The following SNX6 variants were observed in gnomAD, a reference collection of about 807,000 sequenced individuals.
SNX6 encodes the protein sorting nexin-6.
In SNX6, 34 loss-of-function variants were observed where a neutral mutation model predicts 63.0. The ratio of observed to expected loss-of-function variants is 0.54; its 90% CI spans 0.41 to 0.72. The LOEUF (loss-of-function observed/expected upper bound fraction) is 0.72, where lower values mean the gene tolerates loss of function less well. SNX6 is among the 30% of genes least tolerant of loss of function. SNX6 has a pLI of 0.00. For missense variants in SNX6, 398 were observed against 471.4 expected, an observed-to-expected ratio of 0.84 and a Z score of 1.44; for synonymous variants, 170 against 164.2, an observed-to-expected ratio of 1.04 and a Z score of -0.27.
At chr14:34,584,588 A>G (rs1040787479) in intron 9 of SNX6, among the ~76,000 whole-genome samples, 2 of 152,010 alleles carry the variant, frequency 1.3e-5, no homozygotes, top group Non-Finnish European at 2.9e-5. Flanking sequence ...ACACATATAC[A>G]TACATACATA....
At chr14:34,612,057 G>T (rs998659856) in intron 2 of SNX6, among the ~76,000 whole-genome samples, 1 of 151,928 alleles carries the variant, frequency 6.6e-6, no homozygotes. Context: ...GGGATTACAG[G>T]CGTGAGCCAC....
chr14:34,575,857 A>C lies in SNX6; in HGVS notation c.835-15T>G, dbSNP rs780057965. 12 of 1,466,930 alleles carry C rather than the reference A, an allele frequency of 8.2e-6. No individual in the cohort carries two copies. Among genetic ancestry groups the C allele is most frequent in the Non-Finnish European group, 1.1e-5 (12 of 1,066,664 alleles). The allele number at this position is 1,466,930 out of a possible 1,614,324, so 90.9% of individuals were successfully genotyped here. A position where few individuals can be genotyped will look rare whatever the true frequency, so the allele number is the denominator to read the frequency against. On this transcript the variant is annotated splice_polypyrimidine_tract_variant and intron_variant, in intron 10 of 13. Coordinates refer to ENST00000362031, the MANE Select transcript of SNX6 (RefSeq NM_152233.4). ...GCTTCTATTTTCTGAAAAGAAGGAA[A>C]AAATTGAATATTTAATCAACAACTA...
rs573023103 is a variant in SNX6, at chr14:34,575,984, C to T, written c.835-142G>A. ...TGTCACCCAGGCTGGAGTGCAGTGGCGCTATCTTGGCTCACTGCAAGCTCC... is the reference window on the plus strand; with the variant it reads ...TGTCACCCAGGCTGGAGTGCAGTGGTGCTATCTTGGCTCACTGCAAGCTCC... On this transcript the variant is annotated intron_variant, in intron 10 of 13. Coordinates refer to ENST00000362031, the MANE Select transcript of SNX6 (RefSeq NM_152233.4). The T allele has an allele frequency of 4.2e-4, 150 of 353,566 alleles. 1 individual carries two copies. The highest frequency in any genetic ancestry group is 1.1e-3 in the Middle Eastern group (1 of 944). 21.9% of individuals were successfully genotyped at this position (353,566 alleles called of 1,614,324 possible). A position where few individuals can be genotyped will look rare whatever the true frequency, so the allele number is the denominator to read the frequency against.
At chr14:34,563,782 A>C (rs1455392370) in intron 13 of SNX6, among the ~76,000 whole-genome samples, 1 of 151,336 alleles carries the variant, frequency 6.6e-6, no homozygotes, top group Non-Finnish European at 1.5e-5. Context: ...TCTGTTGCCC[A>C]GACTGGAGTG....
chr14:34,628,526 G>A (rs1190307637), intron 2 of SNX6, among the ~76,000 whole-genome samples: 1 of 152,060 alleles, frequency 6.6e-6, no homozygotes, highest in Non-Finnish European at 1.5e-5. Context: ...CTACTTGGGA[G>A]GCTGAGGTGG....
At chr14:34,613,292 G>A (rs1271393913) in intron 2 of SNX6, among the ~76,000 whole-genome samples, 3 of 152,180 alleles carry the variant, frequency 2.0e-5, no homozygotes, top group Admixed American at 6.6e-5. Flanking sequence ...TCTGACTTCT[G>A]GCCTTCAGAA....
intron 10 of SNX6, among the ~76,000 whole-genome samples, chr14:34,577,951 C>T (rs1482572063): frequency 1.3e-5 from 2 of 152,180 alleles, no homozygotes; most frequent in African/African-American, 4.8e-5. Flanking sequence ...CATCTGTAAT[C>T]CCAGCACTAC....
At chr14:34,587,598 T>A (rs1594715830) in intron 8 of SNX6, among the ~76,000 whole-genome samples, 1 of 140,884 alleles carries the variant, frequency 7.1e-6, no homozygotes, top group South Asian at 2.2e-4. Context: ...TCCTGGGCGA[T>A]AGAGCTAGAC....
intron 2 of SNX6, among the ~76,000 whole-genome samples, chr14:34,614,399 T>A (rs865989125): frequency 1.3e-5 from 2 of 151,102 alleles, no homozygotes; most frequent in South Asian, 2.1e-4. Context: ...AAACTGCCAA[T>A]GCACTCCAGC....
intron 13 of SNX6, among the ~76,000 whole-genome samples, chr14:34,563,738 T>C (rs8013214): frequency 9.9e-6 from 1 of 101,022 alleles, no homozygotes; most frequent in Non-Finnish European, 2.2e-5. Context: ...CAGTAAATTT[T>C]TTTTCTTTTT....
intron 8 of SNX6, among the ~76,000 whole-genome samples, chr14:34,590,787 C>A (rs891144879): frequency 6.6e-6 from 1 of 152,082 alleles, no homozygotes; most frequent in Non-Finnish European, 1.5e-5. Context: ...CATGTCCGTA[C>A]AAAAAGTTAT....
intron 10 of SNX6, among the ~76,000 whole-genome samples, chr14:34,579,893 A>G (rs1254459365): frequency 6.6e-6 from 1 of 152,070 alleles, no homozygotes; most frequent in Non-Finnish European, 1.5e-5. Context: ...TAAAAATAAA[A>G]AAGGGGCTGG....
chr14:34,597,169 C>T (rs547958739), intron 7 of SNX6, among the ~76,000 whole-genome samples: 30 of 152,194 alleles, frequency 2.0e-4, no homozygotes, highest in Non-Finnish European at 3.5e-4. Context: ...CACCCACCTG[C>T]CCCATGGTAA....
At chr14:34,601,873 G>A (rs758274158) in intron 6 of SNX6, among the ~76,000 whole-genome samples, 2 of 151,698 alleles carry the variant, frequency 1.3e-5, no homozygotes, top group Non-Finnish European at 2.9e-5. Flanking sequence ...GGGATTACAG[G>A]TTACAGGCAT....
intron 11 of SNX6, among the ~76,000 whole-genome samples, chr14:34,570,293 C>T (rs1329036267): frequency 2.0e-5 from 3 of 151,602 alleles, no homozygotes; most frequent in African/African-American, 4.8e-5. Context: ...CTTGAACTCC[C>T]GACCTCAAGT....
At chr14:34,593,754 A>G (rs1348932429) in intron 7 of SNX6, among the ~76,000 whole-genome samples, 2 of 126,260 alleles carry the variant, frequency 1.6e-5, no homozygotes, top group African/African-American at 5.9e-5. Flanking sequence ...TTTTTTTTGT[A>G]TTTTTAGTAG....
intron 6 of SNX6, among the ~76,000 whole-genome samples, chr14:34,601,370 C>A (rs1245096257): frequency 6.6e-6 from 1 of 151,724 alleles, no homozygotes; most frequent in Non-Finnish European, 1.5e-5. Flanking sequence ...GGACTACAGG[C>A]ATGCGCCACC....
intron 9 of SNX6, among the ~76,000 whole-genome samples, chr14:34,584,826 G>C (rs1252402148): frequency 1.3e-5 from 2 of 151,638 alleles, no homozygotes; most frequent in African/African-American, 4.8e-5. Flanking sequence ...AAAGGGAGAA[G>C]AAAAAATATC....
At chr14:34,567,441 C>A (rs1881237568) in intron 13 of SNX6, among the ~76,000 whole-genome samples, 1 of 152,224 alleles carries the variant, frequency 6.6e-6, no homozygotes, top group South Asian at 2.1e-4. Context: ...GAACTGAGAT[C>A]ATTGCCACTG....
Sources: gnomAD v4.1 joint callset for allele counts (sites outside exome capture counted in the v4.1 genomes callset) on GRCh38, gnomAD v4.1.1 for gene constraint, MANE v1.5 for transcripts, NCBI Gene and HGNC (gene_info 2026-07-23, HGNC 2026-07-21) for gene names.